The following DPYD variants were observed in gnomAD, a reference collection of about 807,000 sequenced individuals.
DPYD encodes dihydropyrimidine dehydrogenase, also known as dihydropyrimidine dehydrogenase [NADP(+)].
DPYD carries 109 observed loss-of-function variants against 116.2 expected under a neutral mutation model. That is an observed-to-expected ratio of 0.94 (90% CI 0.80 to 1.10). DPYD has a LOEUF of 1.10. Among genes scored for constraint, DPYD ranks in the 50% least tolerant of loss-of-function variants. DPYD has a pLI of 0.00. For missense variants in DPYD, 1,302 were observed against 1,254.5 expected (o/e 1.04, Z -0.57); for synonymous variants, 440 against 432.0 (o/e 1.02, Z -0.23).
rs528261917 is a variant in DPYD, at chr1:97,392,069, C to T, written c.1906-9608G>A. Among the ~76,000 whole-genome samples the T allele has an allele frequency of 1.1e-4, 16 of 152,108 alleles. No homozygotes were observed. In the East Asian group the frequency reaches 3.1e-3, roughly 29 times the overall value. ...GGGAAGGCACCATACAACAGGAACA[C>T]TTGGCCAATTATGAAATCACCCATG... On this transcript the variant is annotated intron_variant, in intron 14 of 22. Transcript: ENST00000370192.
intron 18 of DPYD, among the ~76,000 whole-genome samples, chr1:97,250,633 C>T (rs1663025717): frequency 6.6e-6 from 1 of 151,948 alleles, no homozygotes; most frequent in South Asian, 2.1e-4. Flanking sequence ...CAGACATGTC[C>T]CCTACTCACA....
At chr1:97,581,668 C>CCCA in intron 10 of DPYD, among the ~76,000 whole-genome samples, 1 of 150,040 alleles carries the variant, frequency 6.7e-6, no homozygotes, top group East Asian at 2.0e-4. Context: ...ATCTGTAGAG[C>CCCA]CCAGATGTTT....
At chr1:97,777,144 C>A (rs1311310797) in intron 3 of DPYD, among the ~76,000 whole-genome samples, 1 of 152,096 alleles carries the variant, frequency 6.6e-6, no homozygotes, top group East Asian at 1.9e-4. Context: ...TTATTTACTA[C>A]CTAACACCTA....
intron 5 of DPYD, among the ~76,000 whole-genome samples, chr1:97,721,279 G>A (rs1257119655): frequency 6.6e-6 from 1 of 151,634 alleles, no homozygotes; most frequent in East Asian, 1.9e-4. Flanking sequence ...TTCAGTCAAA[G>A]TATTTTAATA....
chr1:97,593,348 C>T lies in DPYD; in HGVS notation c.998G>A (p.Gly333Glu). 1 of 1,614,130 alleles carries T rather than the reference C, an allele frequency of 6.2e-7. No individual in the cohort carries two copies. The highest frequency in any genetic ancestry group is 8.5e-7 in the Non-Finnish European group (1 of 1,180,018). The change falls in exon 10 of 23, where the codon GGA (glycine) becomes GAA (glutamate). Residue 333 changes from glycine to glutamate, a missense_variant. By Grantham distance (98) the Gly-to-Glu change is moderately conservative. Transcript: ENST00000370192. Reference protein sequence around the residue: ...ACHSPLPSIRGVVIVLGAGDT... With the variant: ...ACHSPLPSIREVVIVLGAGDT... The stretch of plus-strand genomic sequence containing the variant: ...TCCAGCTCCAAGTACAATCACGACT[C>T]CCCGTATCGATGGCAATGGAGAGTG...
At chr1:97,622,743 T>C (rs532371711) in intron 8 of DPYD, among the ~76,000 whole-genome samples, 3 of 152,188 alleles carry the variant, frequency 2.0e-5, no homozygotes, top group African/African-American at 7.2e-5. Context: ...TAAAAAAGTT[T>C]ATTTAAAAAG....
At chr1:97,584,886 A>G (rs983522470) in intron 10 of DPYD, among the ~76,000 whole-genome samples, 5 of 151,256 alleles carry the variant, frequency 3.3e-5, no homozygotes, top group African/African-American at 1.2e-4. Flanking sequence ...CCAACATGGC[A>G]CATGTATACA....
At chr1:97,706,477 TA>T (rs1661963834) in intron 5 of DPYD, among the ~76,000 whole-genome samples, 1 of 152,038 alleles carries the variant, frequency 6.6e-6, no homozygotes, top group African/African-American at 2.4e-5. Flanking sequence ...TCATACACAA[TA>T]GTTTCTTTCA....
At chr1:97,182,601 C>T (rs940153495) in intron 20 of DPYD, among the ~76,000 whole-genome samples, 11 of 151,860 alleles carry the variant, frequency 7.2e-5, no homozygotes, top group Non-Finnish European at 1.3e-4. Context: ...TCTGGCAGTC[C>T]CAGGGAGAAT....
intron 3 of DPYD, among the ~76,000 whole-genome samples, chr1:97,768,518 G>C (rs1043392119): frequency 3.9e-5 from 6 of 152,120 alleles, no homozygotes; most frequent in African/African-American, 1.4e-4. Context: ...GATACATTAA[G>C]ATCTGTGATG....
chr1:97,432,319 C>T (rs1426711359), intron 14 of DPYD, among the ~76,000 whole-genome samples: 1 of 152,130 alleles, frequency 6.6e-6, no homozygotes, highest in Non-Finnish European at 1.5e-5. Context: ...TGCTAATTTA[C>T]TATGTCTTCA....
intron 20 of DPYD, among the ~76,000 whole-genome samples, chr1:97,153,551 AGGT>A (rs1655189376): frequency 6.6e-6 from 1 of 152,148 alleles, no homozygotes; most frequent in Admixed American, 6.5e-5. Flanking sequence ...AAGTTCTAGA[AGGT>A]GACATTAAAA....
At chr1:97,901,673 T>G (rs1046568819) in intron 1 of DPYD, among the ~76,000 whole-genome samples, 1 of 151,826 alleles carries the variant, frequency 6.6e-6, no homozygotes, top group Non-Finnish European at 1.5e-5. Flanking sequence ...GTTTGGCTCA[T>G]CACTTGAATA....
chr1:97,865,509 C>T (rs935159916), intron 2 of DPYD, among the ~76,000 whole-genome samples: 1 of 151,896 alleles, frequency 6.6e-6, no homozygotes, highest in Non-Finnish European at 1.5e-5. Context: ...TTTCTTATTG[C>T]ATCTTGTTCT....
chr1:97,349,400 G>A (rs1670020350), intron 16 of DPYD, among the ~76,000 whole-genome samples: 1 of 151,624 alleles, frequency 6.6e-6, no homozygotes, highest in African/African-American at 2.4e-5. Context: ...CAACGTGCAG[G>A]TTTGTTACAT....
intron 3 of DPYD, among the ~76,000 whole-genome samples, chr1:97,788,964 C>T (rs1385166905): frequency 1.3e-5 from 2 of 151,964 alleles, no homozygotes; most frequent in Admixed American, 1.3e-4. Flanking sequence ...CCACCATGCC[C>T]GGCTAATTTT....
intron 18 of DPYD, among the ~76,000 whole-genome samples, chr1:97,304,563 T>C (rs945903078): frequency 2.0e-5 from 3 of 151,942 alleles, no homozygotes; most frequent in Non-Finnish European, 2.9e-5. Context: ...GGCACTGTTA[T>C]GTTATGTATA....
At chr1:97,880,729 T>A (rs1293313799) in intron 2 of DPYD, among the ~76,000 whole-genome samples, 1 of 151,974 alleles carries the variant, frequency 6.6e-6, no homozygotes, top group Admixed American at 6.6e-5. Flanking sequence ...AATATTTCAT[T>A]TTTTTGTTCT....
At chr1:97,222,509 AT>A (rs1660842400) in intron 19 of DPYD, among the ~76,000 whole-genome samples, 1 of 152,128 alleles carries the variant, frequency 6.6e-6, no homozygotes, top group Non-Finnish European at 1.5e-5. Context: ...ATAAGTTTCC[AT>A]TTAATTTATT....
Sources: allele counts gnomAD v4.1 joint callset (sites outside exome capture counted in the v4.1 genomes callset), GRCh38; gene constraint gnomAD v4.1.1; transcripts MANE v1.5; gene names NCBI Gene and HGNC (gene_info 2026-07-23, HGNC 2026-07-21).